Variants in PCDHGB5 observed in about 807,000 individuals in gnomAD.
PCDHGB5 encodes protocadherin gamma-B5.
PCDHGB5 carries 48 observed loss-of-function variants against 62.9 expected under a neutral mutation model. That is an observed-to-expected ratio of 0.76 (90% CI 0.61 to 0.97). The LOEUF (loss-of-function observed/expected upper bound fraction) is 0.97. PCDHGB5 is among the 50% of genes least tolerant of loss of function. The probability of loss-of-function intolerance (pLI) is 0.00; values close to 1 mark genes in which losing one functional copy is unlikely to be tolerated. For synonymous variants in PCDHGB5, 474 were observed against 511.2 expected (o/e 0.93, Z 0.98); for missense variants, 1,118 against 1,198.6 (o/e 0.93, Z 0.99).
chr5:141,427,161 G>A (rs1561826750), intron 1 of PCDHGB5: 1 of 456,698 alleles, frequency 2.2e-6, no homozygotes, highest in Non-Finnish European at 4.4e-6. Flanking sequence ...GTTTGTGCTA[G>A]ACCATCAAAA....
chr5:141,419,769 CGGT>C, intron 1 of PCDHGB5: 1 of 1,614,006 alleles, frequency 6.2e-7, no homozygotes, highest in Non-Finnish European at 8.5e-7. Context: ...GACAAGGACT[CGGT>C]CCGCCAGCGC....
chr5:141,410,530 T>C (rs1400165380), intron 1 of PCDHGB5: 1 of 1,613,956 alleles, frequency 6.2e-7, no homozygotes, highest in South Asian at 1.1e-5. Context: ...TACATTCCAA[T>C]GAAGACATGG....
At chr5:141,410,192 T>G (rs748013890) in intron 1 of PCDHGB5, 1 of 1,613,980 alleles carries the variant, frequency 6.2e-7, no homozygotes, top group Non-Finnish European at 8.5e-7. Context: ...TCATCTGGTC[T>G]TCGCAGACAA....
Position 141,490,826 on chromosome 5 carries a change from T to A in PCDHGB5, c.2398-3981T>A, listed in dbSNP as rs1195265146. ...ACCTTTGACTATGAATTGCTGCAGA[T>A]GCTGCAGATTGTGGTGGGGGTTCGA... On this transcript the variant is annotated intron_variant, in intron 1 of 3. Coordinates refer to ENST00000617380, the MANE Select transcript of PCDHGB5 (RefSeq NM_018925.3). The surrounding 1 kb of genome is among the most constrained non-coding windows in gnomAD (Gnocchi z 5.4). 6.2e-7 allele frequency: 1 copy of A among 1,613,736 alleles called. No homozygotes were observed. The highest frequency in any genetic ancestry group is 8.5e-7 in the Non-Finnish European group (1 of 1,179,796).
At position 141,512,350 on chromosome 5, in the gene PCDHGB5, G is replaced by C. The variant is rs1406428686; in HGVS notation, c.*1177G>C. ...CCATTCTTAGTCCCTGGGTTGGGGA[G>C]GCAGGGAGCTAGGGCAGGGACCAAA... is the stretch of plus-strand genomic sequence containing the variant. On this transcript the variant is annotated 3_prime_UTR_variant, in exon 4 of 4. Transcript: ENST00000617380. The C allele has an allele frequency of 6.5e-6, 1 of 152,906 alleles. No homozygotes were observed. The highest frequency in any genetic ancestry group is 1.9e-4 in the East Asian group (1 of 5,208). 9.5% of individuals were successfully genotyped at this position (152,906 alleles called of 1,614,324 possible).
Position 141,431,687 on chromosome 5 carries a change from G to A in PCDHGB5, c.2397+31163G>A. On this transcript the variant is annotated intron_variant, in intron 1 of 3. Transcript: ENST00000617380. This position sits in a 1 kb window ranked among gnomAD's most constrained non-coding sequence, Gnocchi z 4.8. ...ATCAACAATAGGGGAGTTGGACCAC[G>A]AGGAGTCAGGATTCTACCAGATGGA... The A allele has an allele frequency of 1.9e-6, 3 of 1,614,214 alleles. No homozygotes were observed. Among genetic ancestry groups the A allele is most frequent in the Middle Eastern group, 1.6e-4 (1 of 6,062 alleles).
At chr5:141,467,337 G>A (rs1018807977) in intron 1 of PCDHGB5, among the ~76,000 whole-genome samples, 1 of 152,162 alleles carries the variant, frequency 6.6e-6, no homozygotes, top group Admixed American at 6.6e-5. Flanking sequence ...AGAGACGTAA[G>A]CCACTGCCCC....
intron 1 of PCDHGB5, 63 bp downstream of exon 1, chr5:141,400,587 C>T: frequency 6.2e-7 from 1 of 1,606,696 alleles, no homozygotes; most frequent in South Asian, 1.1e-5. Flanking sequence ...TTACATGAAA[C>T]TATCGTACAT....
chr5:141,409,443 A>C (rs1276603306), intron 1 of PCDHGB5: 1 of 1,614,014 alleles, frequency 6.2e-7, no homozygotes, highest in East Asian at 2.2e-5. Context: ...GACCGAGAGC[A>C]GACACCAGAA....
At chr5:141,416,400 C>CT (rs1028319330) in intron 1 of PCDHGB5, 1 of 152,036 alleles carries the variant, frequency 6.6e-6, no homozygotes, top group African/African-American at 2.4e-5. Flanking sequence ...CTGCTTTTGT[C>CT]TTTTTTGTTA....
At position 141,485,299 on chromosome 5, in the gene PCDHGB5, G is replaced by A; in HGVS notation, c.2398-9508G>A. On this transcript the variant is annotated intron_variant, in intron 1 of 3. Coordinates refer to ENST00000617380, the MANE Select transcript of PCDHGB5 (RefSeq NM_018925.3). The surrounding 1 kb of genome is among the most constrained non-coding windows in gnomAD (Gnocchi z 5.7). ...CGGTCCCAGAGGAGTCACAGGAAGG[G>A]ACTTTTGTAGGGAATGTCGCTCAAG... 1 of 1,614,180 alleles carries A rather than the reference G, an allele frequency of 6.2e-7. No individual in the cohort carries two copies. Among genetic ancestry groups the A allele is most frequent in the Non-Finnish European group, 8.5e-7 (1 of 1,180,012 alleles).
intron 1 of PCDHGB5, chr5:141,403,954 C>A: frequency 6.2e-7 from 1 of 1,613,800 alleles, no homozygotes; most frequent in Non-Finnish European, 8.5e-7. Flanking sequence ...CAAAAGTGCT[C>A]ATTTCGGTGG....
chr5:141,418,244 C>G (rs746986702), intron 1 of PCDHGB5: 1 of 1,613,980 alleles, frequency 6.2e-7, no homozygotes. Flanking sequence ...TGTTAATGAC[C>G]ACGCCCCTCA....
chr5:141,399,753 G>A lies in PCDHGB5; in HGVS notation c.1626G>A (p.Val542=), dbSNP rs1418820057. 6 of 1,613,252 alleles carry A rather than the reference G, an allele frequency of 3.7e-6. No individual in the cohort carries two copies. The highest frequency in any genetic ancestry group is 1.7e-4 in the Middle Eastern group (1 of 5,932). Residue 542 remains valine (V), a synonymous_variant, in exon 1 of 4, where the codon GTG becomes GTA. Coordinates refer to ENST00000617380, the MANE Select transcript of PCDHGB5 (RefSeq NM_018925.3). ...GCTCGCCTGCGCTCAGCGCAAACGT[G>A]AGCCTGCGCGTGTTGGTGGGCGACC... ...DQGSPALSAN[V]SLRVLVGDRN... is the part of the protein sequence containing the mutation.
At chr5:141,427,444 G>T (rs1184893966) in intron 1 of PCDHGB5, 1 of 482,228 alleles carries the variant, frequency 2.1e-6, no homozygotes, top group South Asian at 1.5e-5. Flanking sequence ...ATAAACGAAA[G>T]AGTTCCTTTT....
chr5:141,459,981 G>C (rs1023972964), intron 1 of PCDHGB5, among the ~76,000 whole-genome samples: 7 of 152,330 alleles, frequency 4.6e-5, no homozygotes, highest in Admixed American at 1.3e-4. Context: ...AGGAGGCTGA[G>C]ACAGGAGAAT....
Position 141,477,889 on chromosome 5 carries a change from A to T in PCDHGB5, c.2398-16918A>T. 1 of 1,614,152 alleles carries T rather than the reference A, an allele frequency of 6.2e-7. No homozygotes were observed. Among genetic ancestry groups the T allele is most frequent in the Admixed American group, 1.7e-5 (1 of 60,016 alleles). On this transcript the variant is annotated intron_variant, in intron 1 of 3. Coordinates refer to ENST00000617380, the MANE Select transcript of PCDHGB5 (RefSeq NM_018925.3). This position sits in a 1 kb window ranked among gnomAD's most constrained non-coding sequence, Gnocchi z 4.9. The stretch of plus-strand genomic sequence containing the variant: ...GTACCTCAGCTGGCCACCTAGTGTC[A>T]CGGGTGGTAGGCTGGGACGCGGATG...
intron 1 of PCDHGB5, among the ~76,000 whole-genome samples, chr5:141,406,791 C>T (rs893207613): frequency 2.0e-5 from 3 of 152,182 alleles, no homozygotes; most frequent in Non-Finnish European, 4.4e-5. Context: ...TATATTATTT[C>T]TGGCTCAATT....
At chr5:141,510,056 G>C (rs1450505898) in intron 3 of PCDHGB5, among the ~76,000 whole-genome samples, 2 of 152,174 alleles carry the variant, frequency 1.3e-5, no homozygotes. Flanking sequence ...AAGTGATTGT[G>C]CATGTGAAGC....
Sources: allele counts gnomAD v4.1 joint callset (sites outside exome capture counted in the v4.1 genomes callset), GRCh38; gene constraint gnomAD v4.1.1; non-coding constraint Gnocchi (gnomAD v3.1); transcripts MANE v1.5; gene names NCBI Gene and HGNC (gene_info 2026-07-23, HGNC 2026-07-21).